Variants in MARCO observed in about 807,000 individuals in gnomAD.
MARCO encodes macrophage receptor MARCO.
In MARCO, 72 loss-of-function variants were observed where a neutral mutation model predicts 70.0. That is an observed-to-expected ratio of 1.03 (90% CI 0.85 to 1.25). MARCO has a LOEUF of 1.25. MARCO is among the 50% of genes most tolerant of loss of function. MARCO has a pLI of 0.00. For synonymous variants in MARCO, 273 were observed against 243.1 expected, an observed-to-expected ratio of 1.12 and a Z score of -1.14; for missense variants, 696 against 659.3, an observed-to-expected ratio of 1.06 and a Z score of -0.61.
chr2:118,957,508 C>A (rs1679860481), intron 1 of MARCO, among the ~76,000 whole-genome samples: 1 of 151,564 alleles, frequency 6.6e-6, no homozygotes. Flanking sequence ...AAATTACCCC[C>A]CAAAAACAAA....
At chr2:118,972,651 G>C (rs1558837873) in intron 4 of MARCO, among the ~76,000 whole-genome samples, 1 of 152,176 alleles carries the variant, frequency 6.6e-6, no homozygotes, top group Non-Finnish European at 1.5e-5. Context: ...TGATGTTCTT[G>C]TCTTCGTTAT....
intron 9 of MARCO, 54 bp downstream of exon 9, chr2:118,981,561 T>G: frequency 6.3e-7 from 1 of 1,597,966 alleles, no homozygotes; most frequent in Non-Finnish European, 8.5e-7. Context: ...CTTTTTTTTT[T>G]TTTTCTGGCT....
intron 12 of MARCO, among the ~76,000 whole-genome samples, chr2:118,983,936 AGGGAATCCTGCCCTGCCCTTTGCATCCT>A (rs1243079527): frequency 6.6e-6 from 1 of 152,194 alleles, no homozygotes; most frequent in Non-Finnish European, 1.5e-5. Context: ...GTCTGAGGGT[AGGGAATCCTGCCCTGCCCTTTGCATCCT>A]GGGAGGATTT....
intron 8 of MARCO, among the ~76,000 whole-genome samples, chr2:118,979,327 T>A (rs1023167835): frequency 1.3e-5 from 2 of 152,068 alleles, no homozygotes; most frequent in Non-Finnish European, 1.5e-5. Flanking sequence ...GGCTGACCCA[T>A]GATGAAGTGC....
chr2:118,990,763 G>C, intron 13 of MARCO, 130 bp downstream of exon 13: 1 of 852,398 alleles, frequency 1.2e-6, no homozygotes, highest in South Asian at 1.6e-5. Flanking sequence ...AAGACTCCAG[G>C]GCTCTGTCAC....
chr2:118,951,202 C>T (rs1679716244), intron 1 of MARCO, among the ~76,000 whole-genome samples: 1 of 152,212 alleles, frequency 6.6e-6, no homozygotes, highest in Non-Finnish European at 1.5e-5. Flanking sequence ...CTGGGAGGAA[C>T]CATCTATCAT....
intron 1 of MARCO, among the ~76,000 whole-genome samples, chr2:118,947,301 TA>T (rs1310031280): frequency 3.3e-5 from 5 of 152,228 alleles, no homozygotes; most frequent in African/African-American, 1.2e-4. Context: ...ACATTATTTT[TA>T]TTTTTATATG....
chr2:118,967,419 C>T (rs554184116), intron 1 of MARCO, among the ~76,000 whole-genome samples: 4 of 152,048 alleles, frequency 2.6e-5, no homozygotes, highest in African/African-American at 7.2e-5. Flanking sequence ...GCTGGCCAGA[C>T]GGGCTTCAGG....
At chr2:118,973,315 A>G (rs1680210813) in intron 4 of MARCO, among the ~76,000 whole-genome samples, 1 of 151,704 alleles carries the variant, frequency 6.6e-6, no homozygotes, top group Admixed American at 6.6e-5. Flanking sequence ...ATATAGATGT[A>G]TGTACATAGA....
chr2:118,949,287 G>A (rs956189490), intron 1 of MARCO: 2 of 152,218 alleles, frequency 1.3e-5, no homozygotes, highest in Non-Finnish European at 1.5e-5. Flanking sequence ...TTGCACACAA[G>A]AGTAGCAGTC....
chr2:118,979,852 C>T (rs1191216489), intron 8 of MARCO, among the ~76,000 whole-genome samples: 1 of 152,138 alleles, frequency 6.6e-6, no homozygotes, highest in Non-Finnish European at 1.5e-5. Context: ...TGAGATTTTA[C>T]CTATTCTCTT....
intron 16 of MARCO, among the ~76,000 whole-genome samples, chr2:118,994,078 C>G (rs1680674683): frequency 6.6e-6 from 1 of 152,120 alleles, no homozygotes; most frequent in Non-Finnish European, 1.5e-5. Context: ...AGGGAGGAAA[C>G]TAAAGGACAC....
At chr2:118,992,515 A>C (rs776808383) in intron 15 of MARCO, 39 bp downstream of exon 15, 7 of 1,523,652 alleles carry the variant, frequency 4.6e-6, no homozygotes, top group Non-Finnish European at 6.4e-6. Flanking sequence ...TGTGCTTTAA[A>C]GTCAATTCTG....
rs990631117 is a variant in MARCO at position 118,977,990 on chromosome 2, G to A, written c.766+55G>A. 1.1e-5 allele frequency: 13 copies of A among 1,211,828 alleles called. No individual in the cohort carries two copies. In the African/African-American group the frequency reaches 1.5e-4, roughly 14 times the overall value. The allele number at this position is 1,211,828 out of a possible 1,614,324, so 75.1% of individuals were successfully genotyped here. On this transcript the variant is annotated intron_variant, in intron 8 of 16. Transcript: ENST00000327097. ...TGCCAGGAGGCCTGAGGGAACTAGG[G>A]CCTGACCTCTGTGCCATTGGGTCTA...
chr2:118,948,870 T>C (rs1376791538), intron 1 of MARCO, among the ~76,000 whole-genome samples: 1 of 152,178 alleles, frequency 6.6e-6, no homozygotes, highest in Admixed American at 6.5e-5. Context: ...GCAATTGAAC[T>C]AGAGCAAAAG....
chr2:118,952,370 G>A (rs1294666998), intron 1 of MARCO, among the ~76,000 whole-genome samples: 4 of 152,086 alleles, frequency 2.6e-5, no homozygotes, highest in Non-Finnish European at 5.9e-5. Flanking sequence ...GGAGAATTAG[G>A]CCCCTTTTAG....
intron 12 of MARCO, among the ~76,000 whole-genome samples, chr2:118,982,611 G>A (rs1374899110): frequency 6.6e-6 from 1 of 152,154 alleles, no homozygotes; most frequent in Non-Finnish European, 1.5e-5. Flanking sequence ...TCTCTTCTCA[G>A]AGCTCATGAA....
At chr2:118,972,632 A>G (rs972807254) in intron 4 of MARCO, among the ~76,000 whole-genome samples, 1 of 152,248 alleles carries the variant, frequency 6.6e-6, no homozygotes, top group African/African-American at 2.4e-5. Flanking sequence ...GCAAAGAGCA[A>G]GTACTCAATG....
chr2:118,986,657 G>A (rs1198722093), intron 12 of MARCO, among the ~76,000 whole-genome samples: 2 of 41,182 alleles, frequency 4.9e-5, no homozygotes, highest in Admixed American at 2.5e-4. Flanking sequence ...AAGAAAGAAG[G>A]AAGGAAGGAA....
Sources: allele counts gnomAD v4.1 joint callset (sites outside exome capture counted in the v4.1 genomes callset), GRCh38; gene constraint gnomAD v4.1.1; transcripts MANE v1.5; gene names NCBI Gene and HGNC (gene_info 2026-07-23, HGNC 2026-07-21).